Variants in MCM9 observed in about 807,000 individuals in gnomAD.
MCM9 encodes minichromosome maintenance 9 homologous recombination repair factor, also known as DNA helicase MCM9.
A neutral mutation model predicts 72.8 loss-of-function variants in MCM9; 55 were observed. The ratio of observed to expected loss-of-function variants is 0.76; its 90% CI spans 0.61 to 0.95. The LOEUF is 0.95. Ranked by LOEUF, MCM9 falls within the 40% of genes least tolerant of loss-of-function variation. The pLI, the probability that MCM9 is intolerant of heterozygous loss-of-function variation, is 0.00. For synonymous variants in MCM9, 480 were observed against 503.4 expected (o/e 0.95, Z 0.62); for missense variants, 1,279 against 1,377.0 (o/e 0.93, Z 1.13).
intron 8 of MCM9, among the ~76,000 whole-genome samples, chr6:118,889,149 G>A (rs2114440072): frequency 6.6e-6 from 1 of 152,310 alleles, no homozygotes; most frequent in East Asian, 1.9e-4. Context: ...CTTAGAGGTG[G>A]ATTCTTTGCA....
intron 11 of MCM9, among the ~76,000 whole-genome samples, chr6:118,827,578 G>T (rs1406661455): frequency 6.6e-6 from 1 of 152,086 alleles, no homozygotes. Context: ...TGCTATATGG[G>T]AAACAATTCC....
chr6:118,814,757 T>C lies in MCM9; in HGVS notation c.*67A>G. On this transcript the variant is annotated 3_prime_UTR_variant, in exon 14 of 14. Coordinates refer to ENST00000619706, the MANE Select transcript of MCM9 (RefSeq NM_017696.3). ...TTGTTCTATACATTTATAAATACCA[T>C]ATTGATATCCTGAAGGTCCTCTGTG... The C allele has an allele frequency of 7.3e-7, 1 of 1,373,820 alleles. No homozygotes were observed. Among genetic ancestry groups the C allele is most frequent in the Non-Finnish European group, 9.7e-7 (1 of 1,030,896 alleles). The allele number at this position is 1,373,820 out of a possible 1,614,324, so 85.1% of individuals were successfully genotyped here.
chr6:118,926,656 C>T (rs1264760090), intron 3 of MCM9, among the ~76,000 whole-genome samples: 3 of 151,992 alleles, frequency 2.0e-5, no homozygotes, highest in Non-Finnish European at 2.9e-5. Context: ...TTAGATATAC[C>T]GTATTTTGTT....
rs944088341 is a variant in MCM9 at position 118,894,813 on chromosome 6, C to T, written c.1150+16837G>A. On this transcript the variant is annotated intron_variant, in intron 8 of 13. Transcript: ENST00000619706. ...GGCGGGCAGCTCGGAGACCCGCACT[C>T]GCTCCCGCTGCGCCGCCTGAGGTCG... 2.0e-5 allele frequency among the ~76,000 whole-genome samples: 3 copies of T among 152,220 alleles called. No individual in the cohort carries two copies. In the East Asian group the frequency reaches 5.8e-4, roughly 29 times the overall value.
At position 118,913,289 on chromosome 6, in the gene MCM9, A is replaced by G. The variant is rs756642387; in HGVS notation, c.1030+6T>C. On this transcript the variant is annotated splice_donor_region_variant and intron_variant, in intron 7 of 13. Coordinates refer to ENST00000619706, the MANE Select transcript of MCM9 (RefSeq NM_017696.3). ...TATTACTCAAAATTTCTAAATAGGTACTAACCTCTGACCCGTGTTCCTGTA... is the reference window on the plus strand; with the variant it reads ...TATTACTCAAAATTTCTAAATAGGTGCTAACCTCTGACCCGTGTTCCTGTA... 1.4e-5 allele frequency: 23 copies of G among 1,613,778 alleles called. No homozygotes were observed. In the South Asian group the frequency reaches 2.4e-4, roughly 17 times the overall value.
chr6:118,907,299 C>G, intron 8 of MCM9: 1 of 737,778 alleles, frequency 1.4e-6, no homozygotes, highest in South Asian at 1.8e-5. Flanking sequence ...TGAACTTAGC[C>G]CTTTAGGAGT....
chr6:118,913,488 C>T (rs1780707933), intron 6 of MCM9, 68 bp from the exon 7 acceptor site: 1 of 1,590,966 alleles, frequency 6.3e-7, no homozygotes, highest in Admixed American at 1.7e-5. Context: ...ATTTCCCTTC[C>T]TTTCCTATCT....
At chr6:118,843,720 GTATA>G (rs375762540) in intron 9 of MCM9, among the ~76,000 whole-genome samples, 6 of 101,992 alleles carry the variant, frequency 5.9e-5, no homozygotes, top group Admixed American at 1.1e-4. Flanking sequence ...ATATATATAT[GTATA>G]TATATATATA....
intron 8 of MCM9, among the ~76,000 whole-genome samples, chr6:118,884,114 A>T (rs1778457507): frequency 6.6e-6 from 1 of 152,232 alleles, no homozygotes; most frequent in South Asian, 2.1e-4. Context: ...GGTAACTCAA[A>T]TCTACAAGAA....
At chr6:118,903,900 TCAC>T (rs1328728510) in intron 8 of MCM9, among the ~76,000 whole-genome samples, 12 of 152,154 alleles carry the variant, frequency 7.9e-5, no homozygotes, top group Non-Finnish European at 1.0e-4. Flanking sequence ...GAAAAGATTA[TCAC>T]CACGTTTTAA....
intron 3 of MCM9, among the ~76,000 whole-genome samples, chr6:118,928,350 G>A (rs569645829): frequency 1.3e-5 from 2 of 152,238 alleles, no homozygotes; most frequent in Admixed American, 1.3e-4. Flanking sequence ...GGCAGAGGTT[G>A]CAGTGAACCG....
intron 9 of MCM9, among the ~76,000 whole-genome samples, chr6:118,843,720 G>GCA (rs1554257162): frequency 3.9e-5 from 4 of 102,006 alleles, no homozygotes; most frequent in Non-Finnish European, 7.3e-5. Flanking sequence ...ATATATATAT[G>GCA]TATATATATA....
rs1780541631 is a variant in MCM9 at position 118,911,493 on chromosome 6, G to T, written c.1150+157C>A. 3 of 1,332,316 alleles carry T rather than the reference G, an allele frequency of 2.3e-6. No homozygotes were observed. In the Admixed American group the frequency reaches 1.0e-4, roughly 47 times the overall value. 82.5% of individuals were successfully genotyped at this position (1,332,316 alleles called of 1,614,324 possible). ...GGAGCTTGCAAGATATTTTCTTAGAGCTACCAAAATAACATTGCATATTTC... is the reference window on the plus strand; with the variant it reads ...GGAGCTTGCAAGATATTTTCTTAGATCTACCAAAATAACATTGCATATTTC... On this transcript the variant is annotated intron_variant, in intron 8 of 13. Coordinates refer to ENST00000619706, the MANE Select transcript of MCM9 (RefSeq NM_017696.3).
intron 1 of MCM9, among the ~76,000 whole-genome samples, chr6:118,933,504 CA>C (rs201751510): frequency 0.6 from 78,234 of 130,774 alleles, 21,899 homozygotes; most frequent in East Asian, 0.7. Flanking sequence ...GACTCCGCCT[CA>C]AAAAAAAAAA....
intron 8 of MCM9, chr6:118,911,344 G>A: frequency 1.9e-6 from 2 of 1,073,232 alleles, no homozygotes; most frequent in Non-Finnish European, 2.3e-6. Context: ...TAACATTCCA[G>A]TTGCTGAGTC....
intron 9 of MCM9, among the ~76,000 whole-genome samples, chr6:118,847,632 T>C (rs1026083296): frequency 1.3e-5 from 2 of 151,480 alleles, no homozygotes; most frequent in Admixed American, 1.3e-4. Flanking sequence ...AATTACAGCT[T>C]CTGAAAAATA....
chr6:118,846,894 C>T (rs1453823131), intron 9 of MCM9, among the ~76,000 whole-genome samples: 1 of 151,722 alleles, frequency 6.6e-6, no homozygotes, highest in East Asian at 1.9e-4. Context: ...CTCCATAAAA[C>T]TACTACAAGA....
At chr6:118,900,612 A>C (rs910639939) in intron 8 of MCM9, among the ~76,000 whole-genome samples, 1 of 152,192 alleles carries the variant, frequency 6.6e-6, no homozygotes, top group Non-Finnish European at 1.5e-5. Flanking sequence ...TCTGGTAGGA[A>C]CTTTATAAGG....
intron 9 of MCM9, among the ~76,000 whole-genome samples, chr6:118,832,655 C>G (rs1448169648): frequency 1.3e-5 from 2 of 152,302 alleles, no homozygotes; most frequent in South Asian, 2.1e-4. Context: ...CACATTTAAA[C>G]GTCCTACAAA....
Sources: gnomAD v4.1 joint callset for allele counts (sites outside exome capture counted in the v4.1 genomes callset) on GRCh38, gnomAD v4.1.1 for gene constraint, MANE v1.5 for transcripts, NCBI Gene and HGNC (gene_info 2026-07-23, HGNC 2026-07-21) for gene names.